ZHX3: variants seen among roughly 807,000 people sequenced by gnomAD.
ZHX3 encodes the protein zinc fingers and homeoboxes protein 3.
ZHX3 carries 20 observed loss-of-function variants against 64.5 expected under a neutral mutation model. That is an observed-to-expected ratio of 0.31 (90% confidence interval 0.22 to 0.45). ZHX3 has a LOEUF of 0.45. Ranked by LOEUF, ZHX3 falls within the 20% of genes least tolerant of loss-of-function variation. The pLI is 1.00. For missense variants in ZHX3, 1,041 were observed against 1,195.8 expected (o/e 0.87, Z 1.91); for synonymous variants, 423 against 461.6 (o/e 0.92, Z 1.07).
At chr20:41,264,130 C>T (rs775685527) in intron 2 of ZHX3, among the ~76,000 whole-genome samples, 1 of 151,868 alleles carries the variant, frequency 6.6e-6, no homozygotes, top group Non-Finnish European at 1.5e-5. Context: ...ATAACTAGGC[C>T]AGGCGCGGTG....
chr20:41,196,341 A>T (rs1490800887), intron 3 of ZHX3, among the ~76,000 whole-genome samples: 1 of 98,762 alleles, frequency 1.0e-5, no homozygotes, highest in Non-Finnish European at 2.0e-5. Flanking sequence ...TTTATTTCAT[A>T]TATAAATATA....
chr20:41,196,442 A>ATAT (rs2037583154), intron 3 of ZHX3, among the ~76,000 whole-genome samples: 7 of 57,004 alleles, frequency 1.2e-4, no homozygotes, highest in African/African-American at 4.9e-4. Context: ...AAATATATAT[A>ATAT]TTATATATAA....
At chr20:41,249,028 A>G (rs578094667) in intron 2 of ZHX3, among the ~76,000 whole-genome samples, 1 of 152,380 alleles carries the variant, frequency 6.6e-6, no homozygotes, top group East Asian at 1.9e-4. Context: ...TATTTGTGCA[A>G]AACTATTCTT....
intron 1 of ZHX3, among the ~76,000 whole-genome samples, chr20:41,283,991 T>C (rs1008909768): frequency 1.3e-5 from 2 of 152,190 alleles, no homozygotes; most frequent in African/African-American, 4.8e-5. Context: ...TATATATGCA[T>C]TGTGTATTAT....
chr20:41,213,017 A>G (rs904150423), intron 2 of ZHX3, among the ~76,000 whole-genome samples: 1 of 152,212 alleles, frequency 6.6e-6, no homozygotes, highest in Non-Finnish European at 1.5e-5. Flanking sequence ...CCATACGATG[A>G]ATTCTTCAGC....
At chr20:41,187,122 C>T (rs181621105) in intron 3 of ZHX3, among the ~76,000 whole-genome samples, 2 of 151,840 alleles carry the variant, frequency 1.3e-5, no homozygotes, top group East Asian at 1.9e-4. Flanking sequence ...AGTTCAAGAC[C>T]AGCCTGGGCA....
intron 2 of ZHX3, among the ~76,000 whole-genome samples, chr20:41,217,734 G>A (rs2039627850): frequency 1.3e-5 from 2 of 152,154 alleles, no homozygotes; most frequent in African/African-American, 4.8e-5. Context: ...ATAGTCTCCT[G>A]AATTGGTTAT....
intron 2 of ZHX3, among the ~76,000 whole-genome samples, chr20:41,262,077 T>C (rs2042589753): frequency 6.6e-6 from 1 of 152,138 alleles, no homozygotes; most frequent in African/African-American, 2.4e-5. Flanking sequence ...TGGCAGGCAT[T>C]GGTAATTTTA....
intron 1 of ZHX3, among the ~76,000 whole-genome samples, chr20:41,313,403 A>G (rs2045198516): frequency 6.6e-6 from 1 of 152,106 alleles, no homozygotes; most frequent in Non-Finnish European, 1.5e-5. Context: ...GAGATCATTT[A>G]GAGAGAGAAT....
At chr20:41,249,105 T>C (rs1543324) in intron 2 of ZHX3, among the ~76,000 whole-genome samples, 88,512 of 152,034 alleles carry the variant, frequency 0.58, 27,180 homozygotes, top group East Asian at 0.82. Context: ...TTTTTAAAGG[T>C]ACATTTACTT....
intron 1 of ZHX3, among the ~76,000 whole-genome samples, chr20:41,311,730 C>A (rs2045142442): frequency 6.6e-6 from 1 of 152,172 alleles, no homozygotes; most frequent in African/African-American, 2.4e-5. Context: ...TCTCTAAGTT[C>A]AATTTTCTCA....
chr20:41,268,580 T>C (rs1045896490), intron 2 of ZHX3, among the ~76,000 whole-genome samples: 7 of 152,354 alleles, frequency 4.6e-5, no homozygotes, highest in African/African-American at 1.2e-4. Context: ...GAATATGGCT[T>C]GAATAATTGG....
chr20:41,217,113 G>A (rs2039585608), intron 2 of ZHX3, among the ~76,000 whole-genome samples: 1 of 152,070 alleles, frequency 6.6e-6, no homozygotes, highest in African/African-American at 2.4e-5. Context: ...TCTACCACAG[G>A]AGGCAGTAAA....
chr20:41,229,340 A>G (rs982092860), intron 2 of ZHX3, among the ~76,000 whole-genome samples: 1 of 152,162 alleles, frequency 6.6e-6, no homozygotes, highest in African/African-American at 2.4e-5. Flanking sequence ...CCTTTTGCCT[A>G]TTATGAATAA....
rs1169522706 is a variant in ZHX3, at chr20:41,200,785, C to G, written c.2860+1272G>C. On this transcript the variant is annotated intron_variant, in intron 3 of 3. Coordinates refer to ENST00000683867, the MANE Select transcript of ZHX3 (RefSeq NM_001384317.1). This position sits in a 1 kb window ranked among gnomAD's most constrained non-coding sequence, Gnocchi z 4.2. The stretch of plus-strand genomic sequence containing the variant: ...AACAGATGGATGACATGGTACTCCC[C>G]GCCCCCAACCCACCAAATTATGGGC... 6.6e-6 allele frequency among the ~76,000 whole-genome samples: 1 copy of G among 152,162 alleles called. No individual in the cohort carries two copies. Among genetic ancestry groups the G allele is most frequent in the East Asian group, 1.9e-4 (1 of 5,196 alleles).
intron 2 of ZHX3, among the ~76,000 whole-genome samples, chr20:41,245,678 T>G (rs936321078): frequency 6.6e-6 from 1 of 152,194 alleles, no homozygotes; most frequent in Non-Finnish European, 1.5e-5. Flanking sequence ...TATATATAAT[T>G]CCAACTGTTT....
intron 1 of ZHX3, among the ~76,000 whole-genome samples, chr20:41,311,024 G>A (rs879757468): frequency 2.6e-5 from 4 of 151,946 alleles, no homozygotes; most frequent in African/African-American, 4.8e-5. Context: ...TGGCCAGGAT[G>A]GTCTTTATTT....
At chr20:41,272,362 T>C (rs1000472312) in intron 1 of ZHX3, 13 of 152,196 alleles carry the variant, frequency 8.5e-5, no homozygotes, top group South Asian at 4.1e-4. Context: ...ATTTTAAAAA[T>C]TGAAAATTCA....
rs1037505033 is a variant in ZHX3 at position 41,202,694 on chromosome 20, G to C, written c.2223C>G (p.Asn741Lys). 1.2e-6 allele frequency: 2 copies of C among 1,613,994 alleles called. No individual in the cohort carries two copies. Among genetic ancestry groups the C allele is most frequent in the South Asian group, 1.1e-5 (1 of 91,088 alleles). ...CACAGGCACCCAGCCCTGGAATCTCGTTCCTGCCATTGGCTTCAGTGACCC... is the reference window on the plus strand; with the variant it reads ...CACAGGCACCCAGCCCTGGAATCTCCTTCCTGCCATTGGCTTCAGTGACCC... Reference protein sequence around the residue: ...NLRVTEANGRNEIPGLGACDP... With the variant: ...NLRVTEANGRKEIPGLGACDP... Residue 741 changes from asparagine (N) to lysine (K), a missense_variant, in exon 3 of 4, where the codon AAC becomes AAG. This residue lies in a region of ZHX3 where 649 missense variants were observed against 739.8 expected (regional missense o/e 0.88). Coordinates refer to ENST00000683867, the MANE Select transcript of ZHX3 (RefSeq NM_001384317.1). This position sits in a 1 kb window ranked among gnomAD's most constrained non-coding sequence, Gnocchi z 7.0.
Sources: gnomAD v4.1 joint callset for allele counts (sites outside exome capture counted in the v4.1 genomes callset) on GRCh38, gnomAD v4.1.1 for gene constraint, gnomAD v4.1.1 regional missense constraint, Gnocchi (gnomAD v3.1) non-coding constraint, MANE v1.5 for transcripts, NCBI Gene and HGNC (gene_info 2026-07-23, HGNC 2026-07-21) for gene names.